Variants in EPB41L4B observed in about 807,000 individuals in gnomAD.
EPB41L4B encodes erythrocyte membrane protein band 4.1 like 4B.
In EPB41L4B, 30 loss-of-function variants were observed where a neutral mutation model predicts 112.5. That is an observed-to-expected ratio of 0.27 (90% CI 0.20 to 0.36). The LOEUF (loss-of-function observed/expected upper bound fraction) is 0.36. EPB41L4B is among the 10% of genes least tolerant of loss of function. EPB41L4B has a pLI of 1.00. For synonymous variants in EPB41L4B, 408 were observed against 439.7 expected (o/e 0.93, Z 0.90); for missense variants, 1,024 against 1,133.3 (o/e 0.90, Z 1.38).
At chr9:109,201,596 G>T (rs1384573250) in intron 19 of EPB41L4B, among the ~76,000 whole-genome samples, 2 of 152,166 alleles carry the variant, frequency 1.3e-5, no homozygotes, top group East Asian at 1.9e-4. Context: ...AGAACGTATA[G>T]TCTATTGAGG....
At chr9:109,184,728 G>C (rs1203276419) in intron 23 of EPB41L4B, among the ~76,000 whole-genome samples, 2 of 152,350 alleles carry the variant, frequency 1.3e-5, no homozygotes, top group East Asian at 3.9e-4. Context: ...AAGTCACCAT[G>C]TTTAATCCAG....
intron 1 of EPB41L4B, among the ~76,000 whole-genome samples, chr9:109,319,829 G>A (rs1375572537): frequency 6.6e-6 from 1 of 152,130 alleles, no homozygotes; most frequent in Non-Finnish European, 1.5e-5. Context: ...GGGGGGGCGG[G>A]GTCTCGGGAC....
At chr9:109,319,617 C>A (rs892338363) in intron 1 of EPB41L4B, among the ~76,000 whole-genome samples, 1 of 152,254 alleles carries the variant, frequency 6.6e-6, no homozygotes, top group Non-Finnish European at 1.5e-5. Context: ...GCCTCCCAAA[C>A]TTGGGGCGCC....
intron 15 of EPB41L4B, among the ~76,000 whole-genome samples, chr9:109,234,017 TAG>T (rs949304755): frequency 1.3e-5 from 2 of 151,764 alleles, no homozygotes; most frequent in African/African-American, 4.8e-5. Flanking sequence ...AAACCGTCTT[TAG>T]AAAGATTAAA....
At chr9:109,224,745 G>A (rs1254029571) in intron 15 of EPB41L4B, among the ~76,000 whole-genome samples, 8 of 152,188 alleles carry the variant, frequency 5.3e-5, no homozygotes, top group Non-Finnish European at 1.2e-4. Context: ...TCAATGCCCA[G>A]GCCCTTCCCC....
intron 1 of EPB41L4B, among the ~76,000 whole-genome samples, chr9:109,305,937 T>G (rs1456315820): frequency 6.6e-6 from 1 of 151,440 alleles, no homozygotes; most frequent in Non-Finnish European, 1.5e-5. Context: ...AAAATATAAT[T>G]AAATTAAATT....
In EPB41L4B at chr9:109,174,597, T is replaced by C; in HGVS notation, c.2660A>G (p.Glu887Gly). 6.2e-7 allele frequency: 1 copy of C among 1,614,076 alleles called. No individual in the cohort carries two copies. Among genetic ancestry groups the C allele is most frequent in the East Asian group, 2.2e-5 (1 of 44,876 alleles). ...CAGTCTTTTCATCATCTTCTCTCTC[T>C]CCAGTTCCTGCCGGAGTGTCTCTGC... ...ASAETLRQEL[E>G]REKMMKRLLM... is the part of the protein sequence containing the mutation. The change falls in exon 26 of 26, where the codon GAG (glutamate) becomes GGG (glycine). Residue 887 changes from glutamate to glycine, a missense_variant. Coordinates refer to ENST00000374566, the MANE Select transcript of EPB41L4B (RefSeq NM_019114.5).
chr9:109,316,806 T>C (rs1588245245), intron 1 of EPB41L4B, among the ~76,000 whole-genome samples: 1 of 152,126 alleles, frequency 6.6e-6, no homozygotes, highest in African/African-American at 2.4e-5. Flanking sequence ...TAGCAAAGAC[T>C]AAGAACACCC....
intron 1 of EPB41L4B, among the ~76,000 whole-genome samples, chr9:109,309,493 T>C (rs1199267818): frequency 6.6e-6 from 1 of 152,114 alleles, no homozygotes; most frequent in Non-Finnish European, 1.5e-5. Context: ...GGAGACAATC[T>C]CATGGAGTCC....
chr9:109,189,875 C>T (rs1258718403), intron 22 of EPB41L4B, among the ~76,000 whole-genome samples: 2 of 152,128 alleles, frequency 1.3e-5, no homozygotes, highest in African/African-American at 4.8e-5. Flanking sequence ...GTGATCCACC[C>T]GCCTTGGCCT....
chr9:109,252,948 C>T (rs1426198522), intron 12 of EPB41L4B, among the ~76,000 whole-genome samples: 1 of 152,080 alleles, frequency 6.6e-6, no homozygotes, highest in Non-Finnish European at 1.5e-5. Flanking sequence ...AGGGGGCAGG[C>T]ATTCTAGGGC....
intron 22 of EPB41L4B, among the ~76,000 whole-genome samples, chr9:109,187,649 G>A: frequency 6.6e-6 from 1 of 152,124 alleles, no homozygotes; most frequent in Admixed American, 6.5e-5. Context: ...ACTACAACAG[G>A]GGACCCAGGC....
intron 15 of EPB41L4B, among the ~76,000 whole-genome samples, chr9:109,234,480 A>G (rs1834068359): frequency 6.6e-6 from 1 of 152,242 alleles, no homozygotes; most frequent in Admixed American, 6.5e-5. Context: ...TTTGCTTCCA[A>G]GGAAAACTGG....
intron 15 of EPB41L4B, among the ~76,000 whole-genome samples, chr9:109,224,823 T>C (rs1833704910): frequency 6.6e-6 from 1 of 152,158 alleles, no homozygotes; most frequent in Non-Finnish European, 1.5e-5. Context: ...ATTGCTGTAG[T>C]AGTCCAACCT....
At position 109,232,000 on chromosome 9, in the gene EPB41L4B, C is replaced by CT. The variant is rs539671987; in HGVS notation, c.1409+11617dup. 7.2e-3 allele frequency among the ~76,000 whole-genome samples: 1,041 copies of CT among 144,130 alleles called. 6 individuals carry two copies. Among genetic ancestry groups the CT allele is most frequent in the South Asian group, 0.02 (92 of 4,584 alleles). The allele number at this position is 144,130 out of a possible 152,430, so 94.6% of individuals were successfully genotyped here. Reference sequence around the variant, plus strand: ...AAGCTAGACTTTCCATTCTGGGTTTCTTTTTTTTTTTGATGGAATATCGCT... The same window carrying CT: ...AAGCTAGACTTTCCATTCTGGGTTTCTTTTTTTTTTTTGATGGAATATCGCT... On this transcript the variant is annotated intron_variant, in intron 15 of 25. Coordinates refer to ENST00000374566, the MANE Select transcript of EPB41L4B (RefSeq NM_019114.5).
At position 109,302,290 on chromosome 9, in the gene EPB41L4B, TC is replaced by T. The variant is rs559801603; in HGVS notation, c.306+17850del. On this transcript the variant is annotated intron_variant, in intron 1 of 25. Transcript: ENST00000374566. ...CTGTCTCTTCATTGTTCTCGGCCTC[TC>T]CTTGGCTGGTAGATGGTCGTCTTCT... Among the ~76,000 whole-genome samples the T allele has an allele frequency of 2.6e-5, 4 of 152,334 alleles. No homozygotes were observed. In the South Asian group the frequency reaches 8.3e-4, roughly 32 times the overall value.
chr9:109,185,742 CCAGCCT>C (rs1321088250), intron 22 of EPB41L4B, 137 bp from the exon 23 acceptor site: 23 of 588,286 alleles, frequency 3.9e-5, no homozygotes, highest in Non-Finnish European at 6.1e-5. Flanking sequence ...TGTTCTCAAG[CCAGCCT>C]CACCCACAGC....
intron 16 of EPB41L4B, among the ~76,000 whole-genome samples, chr9:109,214,913 C>T (rs919266384): frequency 6.6e-6 from 1 of 152,098 alleles, no homozygotes; most frequent in Non-Finnish European, 1.5e-5. Flanking sequence ...TGTCCTGGAG[C>T]GGGTGCCCCT....
intron 13 of EPB41L4B, among the ~76,000 whole-genome samples, chr9:109,250,906 A>G (rs1157356093): frequency 2.6e-5 from 4 of 152,250 alleles, no homozygotes. Context: ...CTCTCTAGCT[A>G]CAACAGCAGA....
Sources: allele counts gnomAD v4.1 joint callset (sites outside exome capture counted in the v4.1 genomes callset), GRCh38; gene constraint gnomAD v4.1.1; transcripts MANE v1.5; gene names NCBI Gene and HGNC (gene_info 2026-07-23, HGNC 2026-07-21).